Variants in MYO5A observed in about 807,000 individuals in gnomAD.
MYO5A encodes the protein myosin VA, also known as unconventional myosin-Va.
MYO5A carries 98 observed loss-of-function variants against 249.7 expected under a neutral mutation model. That is an observed-to-expected ratio of 0.39 (90% CI 0.33 to 0.46). The LOEUF (loss-of-function observed/expected upper bound fraction) is 0.46. Ranked by LOEUF, MYO5A falls within the 20% of genes least tolerant of loss-of-function variation. MYO5A has a pLI of 0.98. For synonymous variants in MYO5A, 778 were observed against 810.6 expected (o/e 0.96, Z 0.68); for missense variants, 1,696 against 2,308.8 (o/e 0.73, Z 5.44).
intron 1 of MYO5A, among the ~76,000 whole-genome samples, chr15:52,441,542 C>T (rs1201211910): frequency 6.6e-6 from 1 of 152,222 alleles, no homozygotes; most frequent in Non-Finnish European, 1.5e-5. Flanking sequence ...TTGCTATACC[C>T]TGAACAAGCC....
intron 1 of MYO5A, among the ~76,000 whole-genome samples, chr15:52,487,112 C>T (rs2076837405): frequency 6.6e-6 from 1 of 152,096 alleles, no homozygotes; most frequent in African/African-American, 2.4e-5. Flanking sequence ...ATGTATGGAA[C>T]ACTGTGCTAA....
chr15:52,433,920 G>A (rs1327247038), intron 1 of MYO5A, among the ~76,000 whole-genome samples: 1 of 151,536 alleles, frequency 6.6e-6, no homozygotes. Context: ...CTATGGTGTT[G>A]TGGTTCTGCC....
intron 15 of MYO5A, among the ~76,000 whole-genome samples, chr15:52,383,906 G>T (rs2041866109): frequency 1.3e-5 from 2 of 152,240 alleles, no homozygotes; most frequent in Non-Finnish European, 2.9e-5. Flanking sequence ...AAGCAAAGAT[G>T]GGGTGGTCTG....
chr15:52,391,155 T>C (rs2042217427), intron 12 of MYO5A, among the ~76,000 whole-genome samples: 1 of 152,216 alleles, frequency 6.6e-6, no homozygotes, highest in African/African-American at 2.4e-5. Flanking sequence ...GTATGTTGAA[T>C]GAATTCATGC....
intron 1 of MYO5A, among the ~76,000 whole-genome samples, chr15:52,480,858 C>T (rs2076700948): frequency 6.6e-6 from 1 of 152,196 alleles, no homozygotes. Flanking sequence ...TTACATATAG[C>T]TAAATCCATT....
chr15:52,495,035 GAT>G (rs201517111), intron 1 of MYO5A, among the ~76,000 whole-genome samples: 1 of 151,644 alleles, frequency 6.6e-6, no homozygotes, highest in Non-Finnish European at 1.5e-5. Context: ...TGAGATATAT[GAT>G]ATATATATAT....
At chr15:52,381,731 C>T (rs1163629258) in intron 16 of MYO5A, among the ~76,000 whole-genome samples, 1 of 151,458 alleles carries the variant, frequency 6.6e-6, no homozygotes, top group South Asian at 2.1e-4. Flanking sequence ...AAAGACTAAA[C>T]AGCAATCATA....
At position 52,389,256 on chromosome 15, in the gene MYO5A, G is replaced by A. The variant is rs562404753; in HGVS notation, c.1650C>T (p.Ile550=). ...KPRLSNKAFI[I]QHFADKVEYQ... ...TCCTTACTTTGTCAGCAAAATGTTG[G>A]ATGATGAAAGCTTTGTTTGATAGAC... The change falls in exon 13 of 42, where the codon ATC becomes ATT. Residue 550 remains isoleucine, a synonymous_variant. Transcript: ENST00000399233. 5 of 1,613,370 alleles carry A rather than the reference G, an allele frequency of 3.1e-6. No individual in the cohort carries two copies. Among genetic ancestry groups the A allele is most frequent in the Non-Finnish European group, 3.4e-6 (4 of 1,179,502 alleles).
At chr15:52,366,043 T>C (rs1343654756) in intron 23 of MYO5A, among the ~76,000 whole-genome samples, 1 of 152,110 alleles carries the variant, frequency 6.6e-6, no homozygotes, top group Non-Finnish European at 1.5e-5. Flanking sequence ...TCCTCAGTAT[T>C]AGCCCCTTCA....
At chr15:52,343,041 G>T in intron 31 of MYO5A, 76 bp downstream of exon 31, 2 of 1,177,690 alleles carry the variant, frequency 1.7e-6, no homozygotes, top group Non-Finnish European at 2.6e-6. Flanking sequence ...AAATACAGGG[G>T]TGAAAGTCAG....
At chr15:52,469,849 C>T (rs891931762) in intron 1 of MYO5A, among the ~76,000 whole-genome samples, 6 of 152,200 alleles carry the variant, frequency 3.9e-5, no homozygotes, top group Non-Finnish European at 7.3e-5. Flanking sequence ...CAGATATACT[C>T]ATCTCCATCA....
intron 1 of MYO5A, among the ~76,000 whole-genome samples, chr15:52,474,815 A>G (rs967551724): frequency 1.3e-5 from 2 of 152,312 alleles, no homozygotes; most frequent in Admixed American, 6.5e-5. Context: ...GGATTTTTGC[A>G]TCGATGTTCA....
At chr15:52,486,741 T>C (rs947119083) in intron 1 of MYO5A, among the ~76,000 whole-genome samples, 1 of 152,186 alleles carries the variant, frequency 6.6e-6, no homozygotes, top group African/African-American at 2.4e-5. Flanking sequence ...TTCTCCTTTG[T>C]TGCTTCACTA....
At chr15:52,390,617 T>A (rs2042186823) in intron 12 of MYO5A, among the ~76,000 whole-genome samples, 1 of 148,896 alleles carries the variant, frequency 6.7e-6, no homozygotes, top group Admixed American at 6.8e-5. Context: ...TGGAGTGCAA[T>A]GGCACAATCT....
intron 1 of MYO5A, among the ~76,000 whole-genome samples, chr15:52,461,742 C>T (rs2076252751): frequency 1.3e-5 from 2 of 152,014 alleles, no homozygotes; most frequent in Admixed American, 1.3e-4. Context: ...GTGGGCAGAT[C>T]GCGAGGTGAG....
At chr15:52,316,786 T>C (rs1278090699) in intron 40 of MYO5A, among the ~76,000 whole-genome samples, 1 of 152,256 alleles carries the variant, frequency 6.6e-6, no homozygotes, top group Non-Finnish European at 1.5e-5. Context: ...TGTATCCCAG[T>C]GCCTTCAATG....
intron 1 of MYO5A, among the ~76,000 whole-genome samples, chr15:52,501,117 C>G (rs2077148766): frequency 6.6e-6 from 1 of 151,876 alleles, no homozygotes; most frequent in Admixed American, 6.6e-5. Flanking sequence ...CTACAGGCGC[C>G]TCCCACCAGG....
At chr15:52,429,855 T>C (rs371892385) in intron 2 of MYO5A, among the ~76,000 whole-genome samples, 73 of 152,302 alleles carry the variant, frequency 4.8e-4, no homozygotes, top group African/African-American at 1.7e-3. Context: ...TCCTCCTGCA[T>C]TGGCCTCCCA....
intron 36 of MYO5A, chr15:52,323,950 G>C (rs912171855): frequency 6.4e-6 from 1 of 157,068 alleles, no homozygotes; most frequent in Non-Finnish European, 1.3e-5. Flanking sequence ...ATTGTAGTGA[G>C]CCAGGATTGC....
Sources: allele counts gnomAD v4.1 joint callset (sites outside exome capture counted in the v4.1 genomes callset), GRCh38; gene constraint gnomAD v4.1.1; transcripts MANE v1.5; gene names NCBI Gene and HGNC (gene_info 2026-07-23, HGNC 2026-07-21).